Variants in SH3BP4 observed in about 807,000 individuals in gnomAD.
SH3BP4 encodes SH3 domain binding protein 4.
Under a neutral mutation model 65.5 loss-of-function variants are expected in SH3BP4, and 33 were observed. The observed-to-expected ratio is 0.50, with a 90% confidence interval of 0.38 to 0.67. The LOEUF is 0.67. Ranked by LOEUF, SH3BP4 falls within the 30% of genes least tolerant of loss-of-function variation. The probability of loss-of-function intolerance (pLI) is 0.00; values close to 1 mark genes in which losing one functional copy is unlikely to be tolerated. For missense variants in SH3BP4, 1,134 were observed against 1,261.4 expected, an observed-to-expected ratio of 0.90 and a Z score of 1.53; for synonymous variants, 552 against 545.5, an observed-to-expected ratio of 1.01 and a Z score of -0.17.
chr2:234,992,883 G>A (rs1278368629), intron 1 of SH3BP4, among the ~76,000 whole-genome samples: 6 of 151,010 alleles, frequency 4.0e-5, no homozygotes, highest in South Asian at 2.1e-4. Context: ...GGAGATGGAC[G>A]CGTTCCTGCC....
In SH3BP4 at chr2:235,034,421, G is replaced by A. The variant is rs1164217953; in HGVS notation, c.-132-450G>A. On this transcript the variant is annotated intron_variant, in intron 2 of 5. Coordinates refer to ENST00000392011, the MANE Select transcript of SH3BP4 (RefSeq NM_014521.3). The surrounding 1 kb of genome is among the most constrained non-coding windows in gnomAD (Gnocchi z 6.2). The stretch of plus-strand genomic sequence containing the variant: ...GTGTTCATTGATGGCTGCTTCCCGG[G>A]GCCGAGTCACCATGATGACTGCCCC... Among the ~76,000 whole-genome samples, 2 of 152,084 alleles carry A rather than the reference G, an allele frequency of 1.3e-5. No homozygotes were observed. Among genetic ancestry groups the A allele is most frequent in the Non-Finnish European group, 2.9e-5 (2 of 67,992 alleles).
At position 235,046,874 on chromosome 2, in the gene SH3BP4, T is replaced by G. The variant is rs4663539; in HGVS notation, c.2478+3627T>G. 6.6e-6 allele frequency among the ~76,000 whole-genome samples: 1 copy of G among 152,060 alleles called. No homozygotes were observed. Among genetic ancestry groups the G allele is most frequent in the African/African-American group, 2.4e-5 (1 of 41,470 alleles). On this transcript the variant is annotated intron_variant, in intron 4 of 5. Transcript: ENST00000392011. The surrounding 1 kb of genome is among the most constrained non-coding windows in gnomAD (Gnocchi z 4.2). ...CCATTTCCTCTTTCCATTCTTTTTG[T>G]GCCTGTTTTTGATAGAGTCCGTGTG...
Position 235,042,474 on chromosome 2 carries a change from G to A in SH3BP4, c.1705G>A (p.Val569Met), listed in dbSNP as rs368943837. The part of the protein sequence containing the change: ...VRGFQLKLGK[V>M]SRLIFPITSQ... The stretch of plus-strand genomic sequence containing the variant: ...AGGATTCCAGCTGAAGCTGGGCAAG[G>A]TGAGCCGCCTGATCTTCCCCATCAC... The change falls in exon 4 of 6, where the codon GTG becomes ATG. Residue 569 changes from valine to methionine, a missense_variant. By Grantham distance (21) the Val-to-Met change is conservative (BLOSUM62 1). Coordinates refer to ENST00000392011, the MANE Select transcript of SH3BP4 (RefSeq NM_014521.3). The surrounding 1 kb of genome is among the most constrained non-coding windows in gnomAD (Gnocchi z 7.3). 3 of 1,614,036 alleles carry A rather than the reference G, an allele frequency of 1.9e-6. No individual in the cohort carries two copies. The African/African-American group carries it at 4.0e-5, about 22-fold the overall frequency.
rs1291341483 is a variant in SH3BP4 at position 234,980,038 on chromosome 2, C to G, written c.-206-15265C>G. 5 of 152,228 alleles carry G rather than the reference C, an allele frequency of 3.3e-5. 1 individual carries two copies. Among genetic ancestry groups the G allele is most frequent in the Admixed American group, 3.3e-4 (5 of 15,280 alleles). The allele number at this position is 152,228 out of a possible 1,614,324, so 9.4% of individuals were successfully genotyped here. On this transcript the variant is annotated intron_variant, in intron 1 of 5. Transcript: ENST00000392011. ...CGATTTGTTACACAGCATTAGGTAG[C>G]TAATACATAGTCTTGCAAGAGTTCG...
rs934867112 is a variant in SH3BP4 at position 234,976,376 on chromosome 2, C to T, written c.-206-18927C>T. ...ACTTAGATTTTAAACTTGTGTTGAC[C>T]TTATAGTCAACTGATAGTTCTGAGT... On this transcript the variant is annotated intron_variant, in intron 1 of 5. Coordinates refer to ENST00000392011, the MANE Select transcript of SH3BP4 (RefSeq NM_014521.3). The surrounding 1 kb of genome is among the most constrained non-coding windows in gnomAD (Gnocchi z 4.7). Among the ~76,000 whole-genome samples the T allele has an allele frequency of 1.3e-5, 2 of 152,086 alleles. No homozygotes were observed. The highest frequency in any genetic ancestry group is 2.9e-5 in the Non-Finnish European group (2 of 68,010).
intron 1 of SH3BP4, among the ~76,000 whole-genome samples, chr2:234,969,934 C>T (rs1692939246): frequency 6.8e-6 from 1 of 147,724 alleles, no homozygotes. Context: ...CACACATTTG[C>T]ATACACACAC....
At chr2:234,964,249 G>T (rs1190127866) in intron 1 of SH3BP4, among the ~76,000 whole-genome samples, 5 of 151,784 alleles carry the variant, frequency 3.3e-5, no homozygotes, top group Non-Finnish European at 7.3e-5. Flanking sequence ...TTCTGAGTGT[G>T]GAGGACACCT....
At chr2:234,984,274 C>T (rs939087234) in intron 1 of SH3BP4, among the ~76,000 whole-genome samples, 2 of 152,184 alleles carry the variant, frequency 1.3e-5, no homozygotes, top group African/African-American at 4.8e-5. Context: ...GCAATCATGG[C>T]TCACTGCAAC....
chr2:234,957,899 G>A (rs1692624156), intron 1 of SH3BP4, among the ~76,000 whole-genome samples: 1 of 152,150 alleles, frequency 6.6e-6, no homozygotes, highest in East Asian at 1.9e-4. Context: ...TAGAGGGTGA[G>A]GAAGTGCTGG....
In SH3BP4 at chr2:235,041,067, G is replaced by A. The variant is rs372303090; in HGVS notation, c.298G>A (p.Glu100Lys). The stretch of plus-strand genomic sequence containing the variant: ...GTGGTGGTACGCACACAACACCACC[G>A]AAATGGGCTACATCCCCTCCTCCTA... ...GEWWYAHNTT[E>K]MGYIPSSYVQ... The change falls in exon 4 of 6, where the codon GAA becomes AAA. Residue 100 changes from glutamate to lysine, a missense_variant. Transcript: ENST00000392011. This position sits in a 1 kb window ranked among gnomAD's most constrained non-coding sequence, Gnocchi z 6.0. The A allele has an allele frequency of 8.1e-6, 13 of 1,613,910 alleles. No individual in the cohort carries two copies. The highest frequency in any genetic ancestry group is 1.1e-5 in the South Asian group (1 of 91,074).
intron 1 of SH3BP4, among the ~76,000 whole-genome samples, chr2:234,990,242 G>T (rs764450499): frequency 2.0e-5 from 3 of 152,192 alleles, no homozygotes; most frequent in Non-Finnish European, 4.4e-5. Context: ...TGGTTCTACT[G>T]ACTGGCTCTG....
rs1230941054 is a variant in SH3BP4, at chr2:234,995,361, G to C, written c.-148G>C. ...CCTGGGACTTCTCTGATGGCGAGAG[G>C]CTGCGGCTGTACCAGGTAGGCAGTG... On this transcript the variant is annotated 5_prime_UTR_variant, in exon 2 of 6. Coordinates refer to ENST00000392011, the MANE Select transcript of SH3BP4 (RefSeq NM_014521.3). 1 of 152,276 alleles carries C rather than the reference G, an allele frequency of 6.6e-6. No individual in the cohort carries two copies. The highest frequency in any genetic ancestry group is 1.9e-4 in the East Asian group (1 of 5,180). 9.4% of individuals were successfully genotyped at this position (152,276 alleles called of 1,614,324 possible).
At position 235,052,442 on chromosome 2, in the gene SH3BP4, A is replaced by T; in HGVS notation, c.2479-120A>T. On this transcript the variant is annotated intron_variant, in intron 4 of 5. Transcript: ENST00000392011. This position sits in a 1 kb window ranked among gnomAD's most constrained non-coding sequence, Gnocchi z 5.0. ...TTCAGGGGACATTTGGTAGTAGGCC[A>T]GGGAACATGGAGAATAGAGAGCCCA... The T allele has an allele frequency of 7.0e-6, 5 of 718,304 alleles. No individual in the cohort carries two copies. The East Asian group carries it at 1.4e-4, about 20-fold the overall frequency. The allele number at this position is 718,304 out of a possible 1,614,324, so 44.5% of individuals were successfully genotyped here. A position where few individuals can be genotyped will look rare whatever the true frequency, so the allele number is the denominator to read the frequency against.
intron 4 of SH3BP4, among the ~76,000 whole-genome samples, chr2:235,050,203 C>T (rs1696004367): frequency 4.6e-5 from 7 of 152,056 alleles, no homozygotes; most frequent in Admixed American, 4.6e-4. Context: ...ACAAGCTCCG[C>T]CTCCCGGGTT....
At chr2:234,980,713 C>T (rs1693351593) in intron 1 of SH3BP4, among the ~76,000 whole-genome samples, 1 of 152,138 alleles carries the variant, frequency 6.6e-6, no homozygotes, top group Admixed American at 6.6e-5. Flanking sequence ...GCTCCCCTCC[C>T]TCAATATTGT....
At chr2:234,966,298 G>A (rs10196094) in intron 1 of SH3BP4, among the ~76,000 whole-genome samples, 5,815 of 152,214 alleles carry the variant, frequency 0.038, 371 homozygotes, top group African/African-American at 0.13. Flanking sequence ...GAGCCCAGGA[G>A]GTCGAAGTTG....
chr2:234,996,216 A>G (rs937917920), intron 2 of SH3BP4, among the ~76,000 whole-genome samples: 2 of 152,226 alleles, frequency 1.3e-5, no homozygotes, highest in African/African-American at 2.4e-5. Context: ...GGGGGAGTTG[A>G]GAAGCCGCAG....
chr2:235,043,100 C>G lies in SH3BP4; in HGVS notation c.2331C>G (p.Gly777=), dbSNP rs561327140. ...SSWRSFADAL[G]YVNLPLTFFC... is the part of the protein sequence containing the mutation. ...GGCGCTCCTTCGCTGACGCCCTGGG[C>G]TACGTGAACCTGCCGCTCACCTTTT... Residue 777 remains glycine, a synonymous_variant, in exon 4 of 6, where the codon GGC becomes GGG. Coordinates refer to ENST00000392011, the MANE Select transcript of SH3BP4 (RefSeq NM_014521.3). 1 of 1,613,638 alleles carries G rather than the reference C, an allele frequency of 6.2e-7. No individual in the cohort carries two copies. The highest frequency in any genetic ancestry group is 1.3e-5 in the African/African-American group (1 of 75,064).
chr2:234,992,016 G>A (rs986893151), intron 1 of SH3BP4, among the ~76,000 whole-genome samples: 1 of 152,226 alleles, frequency 6.6e-6, no homozygotes, highest in Non-Finnish European at 1.5e-5. Context: ...AGGACCACAA[G>A]GCTGTTAAGT....
Sources: allele counts gnomAD v4.1 joint callset (sites outside exome capture counted in the v4.1 genomes callset), GRCh38; gene constraint gnomAD v4.1.1; non-coding constraint Gnocchi (gnomAD v3.1); transcripts MANE v1.5; gene names NCBI Gene and HGNC (gene_info 2026-07-23, HGNC 2026-07-21).